The following AHDC1 variants were observed in gnomAD, a reference collection of about 807,000 sequenced individuals.
The protein encoded by AHDC1 is transcription factor Gibbin.
A neutral mutation model predicts 87.9 loss-of-function variants in AHDC1; 7 were observed. The ratio of observed to expected loss-of-function variants is 0.08; its 90% CI spans 0.05 to 0.15. The LOEUF is 0.15. AHDC1 is among the 10% of genes least tolerant of loss of function. The pLI is 1.00. For synonymous variants in AHDC1, 1,051 were observed against 1,006.8 expected, an observed-to-expected ratio of 1.04 and a Z score of -0.83; for missense variants, 1,841 against 2,253.2, an observed-to-expected ratio of 0.82 and a Z score of 3.70.
intron 3 of AHDC1, among the ~76,000 whole-genome samples, chr1:27,573,270 A>G (rs1238936549): frequency 1.3e-5 from 2 of 151,862 alleles, no homozygotes; most frequent in Non-Finnish European, 2.9e-5. Context: ...CACTAATCCA[A>G]CCTCCTTCGC....
Position 27,550,121 on chromosome 1 carries a change from G to T in AHDC1, c.1995C>A (p.Phe665Leu). The T allele has an allele frequency of 6.2e-7, 1 of 1,610,436 alleles. No individual in the cohort carries two copies. ...ISHFLHRVQG[F>L]RRRGGKAGGF... ...CGCCTGCTTTGCCCCCACGCCGCCGGAAGCCCTGCACACGATGCAGGAAGT... is the reference window on the plus strand; with the variant it reads ...CGCCTGCTTTGCCCCCACGCCGCCGTAAGCCCTGCACACGATGCAGGAAGT... Residue 665 changes from phenylalanine (F) to leucine (L), a missense_variant, in exon 8 of 9, where the codon TTC becomes TTA. By Grantham distance (22) the Phe-to-Leu change is conservative (BLOSUM62 0). Transcript: ENST00000673934.
In AHDC1 at chr1:27,549,996, A is replaced by C. The variant is rs2019441189; in HGVS notation, c.2120T>G (p.Val707Gly). ...CGGGCCCCCGACCCCAGCGGCTGCC[A>C]CGGCCACCACCTTCTTTTTCTTGCC... is the stretch of plus-strand genomic sequence containing the variant. ...GIGKKKKVVA[V>G]AAAGVGGPGL... Residue 707 changes from valine (V) to glycine (G), a missense_variant, in exon 8 of 9, where the codon GTG (valine) becomes GGG (glycine). Physicochemically the swap from Val to Gly is moderately radical, Grantham distance 109. Around this residue, in one of 13 missense-constraint regions of AHDC1, gnomAD observed 236 missense variants for 257.9 expected, o/e 0.92. Transcript: ENST00000673934. The C allele has an allele frequency of 6.2e-7, 1 of 1,600,102 alleles. No individual in the cohort carries two copies. The highest frequency in any genetic ancestry group is 8.5e-7 in the Non-Finnish European group (1 of 1,171,058).
chr1:27,576,165 C>T (rs558295080), intron 3 of AHDC1, among the ~76,000 whole-genome samples: 9 of 152,338 alleles, frequency 5.9e-5, no homozygotes, highest in African/African-American at 2.2e-4. Flanking sequence ...GATAGCGCCA[C>T]CGTGAACCGG....
At position 27,548,405 on chromosome 1, in the gene AHDC1, C is replaced by G. The variant is rs1335947672; in HGVS notation, c.3711G>C (p.Lys1237Asn). ...GTGAGGCCTCGAACAGGTCCACCTT[C>G]TTCCGCCGTCCACGGCCCGGCTTGG... is the stretch of plus-strand genomic sequence containing the variant. ...SSSKPGRGRR[K>N]KVDLFEASHL... is the part of the protein sequence containing the mutation. Residue 1237 changes from lysine to asparagine, a missense_variant, in exon 8 of 9, where the codon AAG becomes AAC. Lys to Asn is a moderately conservative substitution (Grantham distance 94, BLOSUM62 0). Around this residue, in one of 13 missense-constraint regions of AHDC1, gnomAD observed 505 missense variants for 626.2 expected, o/e 0.81. Coordinates refer to ENST00000673934, the MANE Select transcript of AHDC1 (RefSeq NM_001371928.1). 1 of 1,610,210 alleles carries G rather than the reference C, an allele frequency of 6.2e-7. No homozygotes were observed. Among genetic ancestry groups the G allele is most frequent in the Non-Finnish European group, 8.5e-7 (1 of 1,177,172 alleles).
chr1:27,582,824 A>G (rs1373910584), intron 3 of AHDC1, among the ~76,000 whole-genome samples: 5 of 152,222 alleles, frequency 3.3e-5, no homozygotes, highest in Non-Finnish European at 7.3e-5. Flanking sequence ...CCCTGTTCAC[A>G]TGGTGGGACA....
intron 3 of AHDC1, among the ~76,000 whole-genome samples, chr1:27,594,479 G>C (rs2089309835): frequency 6.6e-6 from 1 of 152,242 alleles, no homozygotes. Context: ...ATGACCAGGT[G>C]CCAAGGGGCT....
At chr1:27,592,320 C>T (rs1044470490) in intron 3 of AHDC1, among the ~76,000 whole-genome samples, 1 of 152,076 alleles carries the variant, frequency 6.6e-6, no homozygotes, top group African/African-American at 2.4e-5. Context: ...GCCTCGCACC[C>T]GCACCACCTG....
rs1479454546 is a variant in AHDC1, at chr1:27,551,874, T to C, written c.242A>G (p.Asp81Gly). 4 of 1,607,118 alleles carry C rather than the reference T, an allele frequency of 2.5e-6. No individual in the cohort carries two copies. The highest frequency in any genetic ancestry group is 3.4e-6 in the Non-Finnish European group (4 of 1,177,478). ...TRRPPVLAKG[D>G]DPLPPRAARP... Reference sequence around the variant, plus strand: ...GGCTGCCCGTGGGGGCAGCGGGTCGTCCCCCTTGGCAAGGACTGGTGGGCG... The same window carrying C: ...GGCTGCCCGTGGGGGCAGCGGGTCGCCCCCCTTGGCAAGGACTGGTGGGCG... The change falls in exon 8 of 9, where the codon GAC (aspartate) becomes GGC (glycine). Residue 81 changes from aspartate to glycine, a missense_variant. Asp to Gly is a moderately conservative substitution (Grantham distance 94, BLOSUM62 -1). Around this residue, in one of 13 missense-constraint regions of AHDC1, gnomAD observed 142 missense variants for 165.6 expected, o/e 0.86. Coordinates refer to ENST00000673934, the MANE Select transcript of AHDC1 (RefSeq NM_001371928.1).
At position 27,549,488 on chromosome 1, in the gene AHDC1, G is replaced by A. The variant is rs772942102; in HGVS notation, c.2628C>T (p.Thr876=). 3 of 1,613,236 alleles carry A rather than the reference G, an allele frequency of 1.9e-6. No individual in the cohort carries two copies. The South Asian group carries it at 3.3e-5, about 18-fold the overall frequency. Residue 876 remains threonine (T), a synonymous_variant, in exon 8 of 9, where the codon ACC becomes ACT. Coordinates refer to ENST00000673934, the MANE Select transcript of AHDC1 (RefSeq NM_001371928.1). ...GGCCCCGCTGGGCAGGCAGGGCACT[G>A]GTGGGTGGCCCTGCATAGGTGCCCG... The part of the protein sequence containing the change: ...KASGTYAGPP[T]SALPAQRGLA...
rs373682300 is a variant in AHDC1, at chr1:27,560,963, C to CCTCTCT, written c.-628-2086_-628-2081dup. On this transcript the variant is annotated intron_variant, in intron 3 of 8. Transcript: ENST00000673934. The surrounding 1 kb of genome is among the most constrained non-coding windows in gnomAD (Gnocchi z 4.1). ...CCTCTTCCCTCCCTCTCCCTCCCTTCCTCTCTCTCTCTCTCTGTAGGAGCC... is the reference window on the plus strand; with the variant it reads ...CCTCTTCCCTCCCTCTCCCTCCCTTCCTCTCTCTCTCTCTCTCTCTCTGTAGGAGCC... Among the ~76,000 whole-genome samples, 1 of 150,212 alleles carries CCTCTCT rather than the reference C, an allele frequency of 6.7e-6. No individual in the cohort carries two copies. The highest frequency in any genetic ancestry group is 1.5e-5 in the Non-Finnish European group (1 of 67,256).
rs573968352 is a variant in AHDC1 at position 27,548,330 on chromosome 1, G to A, written c.3786C>T (p.Ser1262=). ...GCTGCCGGGGCCCAGTGCTCCGTTT[G>A]GATGGGTAGCCTGAGGCAGCGGCAG... ...SASAAASGYP[S]KRSTGPRQPR... The change falls in exon 8 of 9, where the codon TCC becomes TCT. Residue 1262 remains serine, a synonymous_variant. Coordinates refer to ENST00000673934, the MANE Select transcript of AHDC1 (RefSeq NM_001371928.1). The A allele has an allele frequency of 1.6e-5, 25 of 1,606,888 alleles. No homozygotes were observed. In the African/African-American group the frequency reaches 2.7e-4, roughly 17 times the overall value.
intron 3 of AHDC1, among the ~76,000 whole-genome samples, chr1:27,599,613 C>T (rs1173642748): frequency 3.3e-5 from 5 of 152,192 alleles, no homozygotes; most frequent in African/African-American, 7.2e-5. Context: ...GGCTTTCTCT[C>T]GTCAAACAAG....
At position 27,548,554 on chromosome 1, in the gene AHDC1, C is replaced by T. The variant is rs2019322076; in HGVS notation, c.3562G>A (p.Glu1188Lys). ...GACTGGCCCTCACTACTTGAGGCCT[C>T]GCTGTTGGCACGCCGAAACCCCCCG... ...GGGGFRRANS[E>K]ASSSEGQSSL... Residue 1188 changes from glutamate to lysine, a missense_variant, in exon 8 of 9, where the codon GAG becomes AAG. Around this residue, in one of 13 missense-constraint regions of AHDC1, gnomAD observed 505 missense variants for 626.2 expected, o/e 0.81. Transcript: ENST00000673934. 2 of 1,613,562 alleles carry T rather than the reference C, an allele frequency of 1.2e-6. No homozygotes were observed. The highest frequency in any genetic ancestry group is 1.3e-5 in the African/African-American group (1 of 75,042).
chr1:27,565,344 C>T lies in AHDC1; in HGVS notation c.-628-6461G>A, dbSNP rs948877970. Among the ~76,000 whole-genome samples, 9 of 152,150 alleles carry T rather than the reference C, an allele frequency of 5.9e-5. No individual in the cohort carries two copies. The highest frequency in any genetic ancestry group is 1.3e-4 in the Non-Finnish European group (9 of 68,022). On this transcript the variant is annotated intron_variant, in intron 3 of 8. Coordinates refer to ENST00000673934, the MANE Select transcript of AHDC1 (RefSeq NM_001371928.1). The surrounding 1 kb of genome is among the most constrained non-coding windows in gnomAD (Gnocchi z 4.6). Reference sequence around the variant, plus strand: ...ACACCCAGAGGTGAGGCCTGACTCCCCTACCCCAGGGCCTGTTTGCCCACG... The same window carrying T: ...ACACCCAGAGGTGAGGCCTGACTCCTCTACCCCAGGGCCTGTTTGCCCACG...
chr1:27,572,225 G>T (rs1250393576), intron 3 of AHDC1, among the ~76,000 whole-genome samples: 20 of 152,126 alleles, frequency 1.3e-4, no homozygotes, highest in Admixed American at 1.3e-3. Flanking sequence ...GTCAATTCAC[G>T]CCTGTTCCTG....
chr1:27,583,755 T>C (rs60872422), intron 3 of AHDC1, among the ~76,000 whole-genome samples: 12,486 of 152,280 alleles, frequency 0.082, 1,326 homozygotes, highest in African/African-American at 0.25. Flanking sequence ...CTGTACCTCT[T>C]TGAACCCGAT....
chr1:27,550,900 C>T lies in AHDC1; in HGVS notation c.1216G>A (p.Asp406Asn). ...AGTAGGCGGCCCTCGGGTCCGGCGTCTGCCTTGCGTCCCCGTCCGGCTTTC... is the reference window on the plus strand; with the variant it reads ...AGTAGGCGGCCCTCGGGTCCGGCGTTTGCCTTGCGTCCCCGTCCGGCTTTC... ...RRKAGRGRKA[D>N]AGPEGRLLPL... Residue 406 changes from aspartate to asparagine, a missense_variant, in exon 8 of 9, where the codon GAC becomes AAC. This residue lies in a region of AHDC1 where 370 missense variants were observed against 391.5 expected (regional missense o/e 0.95). Coordinates refer to ENST00000673934, the MANE Select transcript of AHDC1 (RefSeq NM_001371928.1). 1 of 1,594,846 alleles carries T rather than the reference C, an allele frequency of 6.3e-7. No homozygotes were observed. The highest frequency in any genetic ancestry group is 8.5e-7 in the Non-Finnish European group (1 of 1,175,722).
intron 3 of AHDC1, among the ~76,000 whole-genome samples, chr1:27,581,386 ATCT>A (rs1259344270): frequency 6.6e-5 from 10 of 152,008 alleles, no homozygotes; most frequent in Non-Finnish European, 4.4e-5. Flanking sequence ...AGGTCTCATC[ATCT>A]TCTCAAAATG....
chr1:27,545,176 C>T (rs1557652562), intron 8 of AHDC1, among the ~76,000 whole-genome samples: 2 of 151,626 alleles, frequency 1.3e-5, no homozygotes, highest in Admixed American at 6.6e-5. Flanking sequence ...CAGTGCTTCC[C>T]ACAGCTGGAA....
Sources: gnomAD v4.1 joint callset for allele counts (sites outside exome capture counted in the v4.1 genomes callset) on GRCh38, gnomAD v4.1.1 for gene constraint, gnomAD v4.1.1 regional missense constraint, Gnocchi (gnomAD v3.1) non-coding constraint, MANE v1.5 for transcripts, NCBI Gene and HGNC (gene_info 2026-07-23, HGNC 2026-07-21) for gene names.